CLEC17A: variants seen among roughly 807,000 people sequenced by gnomAD.
The protein encoded by CLEC17A is C-type lectin domain family 17, member A.
Under a neutral mutation model 61.3 loss-of-function variants are expected in CLEC17A, and 37 were observed. That is an observed-to-expected ratio of 0.60 (90% confidence interval 0.46 to 0.79). The LOEUF (loss-of-function observed/expected upper bound fraction) is 0.79. CLEC17A is among the 30% of genes least tolerant of loss of function. The probability of loss-of-function intolerance (pLI) is 0.00; values close to 1 mark genes in which losing one functional copy is unlikely to be tolerated. For synonymous variants in CLEC17A, 168 were observed against 164.9 expected (o/e 1.02, Z -0.14); for missense variants, 418 against 464.7 (o/e 0.90, Z 0.92).
At chr19:14,608,618 A>G (rs1460010377) in intron 13 of CLEC17A, among the ~76,000 whole-genome samples, 1 of 148,612 alleles carries the variant, frequency 6.7e-6, no homozygotes, top group Non-Finnish European at 1.5e-5. Flanking sequence ...GGGTGGAAGG[A>G]TGAGGAAGAA....
At chr19:14,599,878 C>T (rs887386308) in intron 11 of CLEC17A, 66 bp downstream of exon 11, 3 of 1,502,756 alleles carry the variant, frequency 2.0e-6, no homozygotes, top group African/African-American at 2.7e-5. Flanking sequence ...TTACATCACT[C>T]CATTGAAGTC....
intron 4 of CLEC17A, 41 bp downstream of exon 4, chr19:14,592,399 G>T: frequency 6.2e-7 from 1 of 1,611,058 alleles, no homozygotes; most frequent in Non-Finnish European, 8.5e-7. Context: ...GGAATACAGG[G>T]AACAGGGTTT....
rs1599558671 is a variant in CLEC17A at position 14,599,902 on chromosome 19, T to C, written c.742+90T>C. The C allele has an allele frequency of 2.7e-6, 4 of 1,480,980 alleles. No individual in the cohort carries two copies. In the East Asian group the frequency reaches 9.2e-5, roughly 34 times the overall value. The allele number at this position is 1,480,980 out of a possible 1,614,324, so 91.7% of individuals were successfully genotyped here. On this transcript the variant is annotated intron_variant, in intron 11 of 13. Transcript: ENST00000417570. ...TCCATTGAAGTCATTCTCAGTGCAG[T>C]CTATGTGAATGGTGCCCCTCCCCCT...
At position 14,587,691 on chromosome 19, in the gene CLEC17A, G is replaced by A. The variant is rs2074318217; in HGVS notation, c.199G>A (p.Gly67Arg). The change falls in exon 3 of 14, where the codon GGG (glycine) becomes AGG (arginine). Residue 67 changes from glycine (G) to arginine (R), a missense_variant and splice_region_variant. Transcript: ENST00000417570. ...PPYKDLPPKP[G>R]TMEEEEEDDD... is the part of the protein sequence containing the mutation. ...CTACAAGGACCTTCCTCCCAAGCCA[G>A]GTAAGAGGACTTTTTGGAGTGTGAC... 2.5e-6 allele frequency: 4 copies of A among 1,608,420 alleles called. No homozygotes were observed. In the African/African-American group the frequency reaches 5.3e-5, roughly 21 times the overall value.
intron 3 of CLEC17A, among the ~76,000 whole-genome samples, chr19:14,590,614 C>T (rs1269833167): frequency 2.6e-5 from 4 of 151,816 alleles, no homozygotes; most frequent in Admixed American, 1.3e-4. Context: ...CTCGAACTCC[C>T]GACCTCAGGT....
rs2146698365 is a variant in CLEC17A at position 14,595,178 on chromosome 19, CT to C, written c.404-95del. 3 of 1,446,462 alleles carry C rather than the reference CT, an allele frequency of 2.1e-6. No homozygotes were observed. The South Asian group carries it at 3.5e-5, about 17-fold the overall frequency. The allele number at this position is 1,446,462 out of a possible 1,614,324, so 89.6% of individuals were successfully genotyped here. On this transcript the variant is annotated intron_variant, in intron 7 of 13. Coordinates refer to ENST00000417570, the MANE Select transcript of CLEC17A (RefSeq NM_001204118.2). ...TGAGCCACTGCCCACAGCCAGCCCC[CT>C]AAATTCTGACCAGAGAACAAAACAG... is the stretch of plus-strand genomic sequence containing the variant.
In CLEC17A at chr19:14,610,383, G is replaced by T. The variant is rs553068629; in HGVS notation, c.*187G>T. 527 of 737,666 alleles carry T rather than the reference G, an allele frequency of 7.1e-4. No homozygotes were observed. Among genetic ancestry groups the T allele is most frequent in the Non-Finnish European group, 1.0e-3 (478 of 463,504 alleles). 45.7% of individuals were successfully genotyped at this position (737,666 alleles called of 1,614,324 possible). On this transcript the variant is annotated 3_prime_UTR_variant, in exon 14 of 14. Coordinates refer to ENST00000417570, the MANE Select transcript of CLEC17A (RefSeq NM_001204118.2). The stretch of plus-strand genomic sequence containing the variant: ...GGCTGTTTCTAGAGTGAGGACTTGG[G>T]CTTGCCCTAGTAGATGGTGAGCTGG...
chr19:14,594,863 C>A, intron 7 of CLEC17A, 63 bp downstream of exon 7: 1 of 1,438,978 alleles, frequency 6.9e-7, no homozygotes, highest in Non-Finnish European at 9.7e-7. Context: ...TCCTTTCAAT[C>A]CCCCAATTTT....
intron 12 of CLEC17A, among the ~76,000 whole-genome samples, chr19:14,601,785 AATTATT>A (rs984877336): frequency 2.0e-5 from 3 of 151,558 alleles, no homozygotes; most frequent in Non-Finnish European, 2.9e-5. Flanking sequence ...GTACCCAGCA[AATTATT>A]ATTATTATTA....
At chr19:14,607,550 A>ATTTATTTAT (rs371571527) in intron 13 of CLEC17A, among the ~76,000 whole-genome samples, 7 of 141,402 alleles carry the variant, frequency 5.0e-5, no homozygotes, top group African/African-American at 1.6e-4. Flanking sequence ...ATTTTATTTT[A>ATTTATTTAT]TTATTTATTT....
intron 4 of CLEC17A, among the ~76,000 whole-genome samples, chr19:14,594,118 A>AC (rs1568452073): frequency 6.6e-6 from 1 of 151,972 alleles, no homozygotes; most frequent in African/African-American, 2.4e-5. Context: ...TCCTGTCTCT[A>AC]CTAAAAATAT....
At position 14,587,233 on chromosome 19, in the gene CLEC17A, ATGTGTG is replaced by A. The variant is rs3049160; in HGVS notation, c.122-357_122-352del. On this transcript the variant is annotated intron_variant, in intron 2 of 13. Transcript: ENST00000417570. ...GTGTGAGTCCAAACTCCAGAGAAAG[ATGTGTG>A]TGTGTGTGTGTGTGTGTGTGTGTTT... Among the ~76,000 whole-genome samples, 318 of 145,404 alleles carry A rather than the reference ATGTGTG, an allele frequency of 2.2e-3. 4 individuals carry two copies. In the East Asian group the frequency reaches 0.047, roughly 21 times the overall value.
At chr19:14,596,778 G>A in intron 8 of CLEC17A, 98 bp from the exon 9 acceptor site, 1 of 1,393,052 alleles carries the variant, frequency 7.2e-7, no homozygotes, top group Non-Finnish European at 9.7e-7. Flanking sequence ...CATGACTACA[G>A]ACTTCTGCCC....
intron 2 of CLEC17A, 81 bp from the exon 3 acceptor site, chr19:14,587,533 G>A (rs2074314737): frequency 1.4e-6 from 2 of 1,424,774 alleles, no homozygotes; most frequent in South Asian, 1.4e-5. Context: ...CCCATCATGG[G>A]GCAGCTGAGG....
chr19:14,606,623 T>C (rs1054558840), intron 12 of CLEC17A, among the ~76,000 whole-genome samples: 1 of 147,360 alleles, frequency 6.8e-6, no homozygotes, highest in Non-Finnish European at 1.5e-5. Flanking sequence ...GAAGCTGCAG[T>C]GAGCTGAGAT....
intron 8 of CLEC17A, among the ~76,000 whole-genome samples, chr19:14,595,930 G>GGGA (rs2074535373): frequency 6.8e-6 from 1 of 146,306 alleles, no homozygotes; most frequent in African/African-American, 2.5e-5. Flanking sequence ...TGATGGTGTT[G>GGGA]GTGATGATAG....
chr19:14,594,994 C>G (rs1282527066), intron 7 of CLEC17A, among the ~76,000 whole-genome samples, 194 bp downstream of exon 7: 1 of 152,200 alleles, frequency 6.6e-6, no homozygotes, highest in African/African-American at 2.4e-5. Flanking sequence ...GCTTCAGCCT[C>G]CTGAGTAGCT....
At chr19:14,598,770 C>T (rs1043354320) in intron 10 of CLEC17A, among the ~76,000 whole-genome samples, 11 of 152,072 alleles carry the variant, frequency 7.2e-5, no homozygotes, top group Non-Finnish European at 1.2e-4. Context: ...CCACTGCGCC[C>T]GGCCTAGCAA....
chr19:14,586,447 G>A lies in CLEC17A; in HGVS notation c.122-1167G>A, dbSNP rs2074283144. Among the ~76,000 whole-genome samples the A allele has an allele frequency of 2.7e-5, 4 of 150,772 alleles. No homozygotes were observed. The South Asian group carries it at 8.4e-4, about 31-fold the overall frequency. On this transcript the variant is annotated intron_variant, in intron 2 of 13. Coordinates refer to ENST00000417570, the MANE Select transcript of CLEC17A (RefSeq NM_001204118.2). ...CCTCTTTTCTACTTTTTTAAGAGTG[G>A]GGTCTCCCTCTGTTGCCCAGGCTGG...
Sources: gnomAD v4.1 joint callset for allele counts (sites outside exome capture counted in the v4.1 genomes callset) on GRCh38, gnomAD v4.1.1 for gene constraint, MANE v1.5 for transcripts, NCBI Gene and HGNC (gene_info 2026-07-23, HGNC 2026-07-21) for gene names.